Variants in ARSB observed in about 807,000 individuals in gnomAD.
The protein encoded by ARSB is N-acetylgalactosamine-4-sulfatase.
Under a neutral mutation model 50.9 loss-of-function variants are expected in ARSB, and 41 were observed. That is an observed-to-expected ratio of 0.81 (90% CI 0.63 to 1.04). The LOEUF is 1.04. Among genes scored for constraint, ARSB ranks in the 50% least tolerant of loss-of-function variants. The pLI, the probability that ARSB is intolerant of heterozygous loss-of-function variation, is 0.00. For synonymous variants in ARSB, 269 were observed against 284.8 expected, an observed-to-expected ratio of 0.94 and a Z score of 0.56; for missense variants, 672 against 693.3, an observed-to-expected ratio of 0.97 and a Z score of 0.35.
intron 5 of ARSB, among the ~76,000 whole-genome samples, chr5:78,873,629 G>A (rs1747340000): frequency 1.4e-5 from 2 of 147,158 alleles, no homozygotes; most frequent in South Asian, 2.2e-4. Context: ...CCAAGGAGCT[G>A]GGACTACAGG....
chr5:78,811,427 A>G (rs1404242377), intron 6 of ARSB, among the ~76,000 whole-genome samples: 1 of 152,222 alleles, frequency 6.6e-6, no homozygotes, highest in African/African-American at 2.4e-5. Context: ...CTAGTAGGAC[A>G]ACTGAAATTC....
chr5:78,841,168 C>CTACTAATAATAATAATAAGAATAA (rs368030435), intron 5 of ARSB, among the ~76,000 whole-genome samples: 1 of 132,002 alleles, frequency 7.6e-6, no homozygotes. Context: ...ACTACTACTA[C>CTACTAATAATAATAATAAGAATAA]TAATAATAAT....
At chr5:78,908,731 C>CTTTTTT (rs34571367) in intron 4 of ARSB, among the ~76,000 whole-genome samples, 1 of 140,412 alleles carries the variant, frequency 7.1e-6, no homozygotes, top group Non-Finnish European at 1.5e-5. Flanking sequence ...CTGGCCAAGA[C>CTTTTTT]TTTTTTTTTT....
rs79798033 is a variant in ARSB at position 78,975,431 on chromosome 5, G to A, written c.313-6239C>T. Among the ~76,000 whole-genome samples, 1,291 of 152,318 alleles carry A rather than the reference G, an allele frequency of 8.5e-3. 26 individuals carry two copies. The highest frequency in any genetic ancestry group is 0.03 in the African/African-American group (1,228 of 41,556). ...CCGCCTCAGGGGTGAGTGAAAAGCC[G>A]TGAAAATGTCTTGTCCATTTATCAG... On this transcript the variant is annotated intron_variant, in intron 1 of 7. Transcript: ENST00000264914.
chr5:78,825,780 G>T (rs145567209), intron 6 of ARSB, among the ~76,000 whole-genome samples: 5 of 152,176 alleles, frequency 3.3e-5, no homozygotes, highest in African/African-American at 1.2e-4. Flanking sequence ...TTTACAAAAT[G>T]ATGTAAAAGA....
intron 4 of ARSB, among the ~76,000 whole-genome samples, chr5:78,935,071 AAGC>A (rs1750521045): frequency 6.6e-6 from 1 of 152,188 alleles, no homozygotes. Flanking sequence ...GATGAATTAA[AAGC>A]AGAATTTCAA....
chr5:78,853,439 G>C (rs538434606), intron 5 of ARSB, among the ~76,000 whole-genome samples: 4 of 151,764 alleles, frequency 2.6e-5, no homozygotes, highest in Admixed American at 2.6e-4. Context: ...AGGAATACCC[G>C]GCCGTGTGAG....
intron 6 of ARSB, among the ~76,000 whole-genome samples, chr5:78,808,636 C>T (rs1743675807): frequency 6.6e-6 from 1 of 152,194 alleles, no homozygotes; most frequent in Non-Finnish European, 1.5e-5. Context: ...ACTTACACCT[C>T]CCCGCACACA....
chr5:78,799,876 T>C (rs1243607119), intron 6 of ARSB, among the ~76,000 whole-genome samples: 1 of 152,162 alleles, frequency 6.6e-6, no homozygotes, highest in East Asian at 1.9e-4. Context: ...AAGGGAAAAT[T>C]GGAAAGACAG....
At chr5:78,908,564 C>T (rs1254899299) in intron 4 of ARSB, among the ~76,000 whole-genome samples, 1 of 152,108 alleles carries the variant, frequency 6.6e-6, no homozygotes, top group Non-Finnish European at 1.5e-5. Context: ...TGCGGGCAGC[C>T]TGGCCGGAAC....
In ARSB at chr5:78,984,930, C is replaced by A. The variant is rs1315861475; in HGVS notation, c.312+7G>T. On this transcript the variant is annotated splice_region_variant and intron_variant, in intron 1 of 7. Transcript: ENST00000264914. ...GGGGCGGCGCGGGCGGCGGGGGCGC[C>A]GCGTACCTGGTAGCGGCCAGTGAGC... The A allele has an allele frequency of 7.3e-7, 1 of 1,363,226 alleles. No individual in the cohort carries two copies. The highest frequency in any genetic ancestry group is 9.5e-7 in the Non-Finnish European group (1 of 1,057,608). The allele number at this position is 1,363,226 out of a possible 1,614,324, so 84.4% of individuals were successfully genotyped here. A position where few individuals can be genotyped will look rare whatever the true frequency, so the allele number is the denominator to read the frequency against.
At chr5:78,842,304 A>G (rs1745258702) in intron 5 of ARSB, among the ~76,000 whole-genome samples, 1 of 152,188 alleles carries the variant, frequency 6.6e-6, no homozygotes, top group African/African-American at 2.4e-5. Context: ...TCTCAAAGCT[A>G]ACTCTGCAAG....
At chr5:78,964,299 G>C in intron 3 of ARSB, 117 bp downstream of exon 3, 1 of 1,030,748 alleles carries the variant, frequency 9.7e-7, no homozygotes, top group Non-Finnish European at 1.5e-6. Context: ...ATTTGAAAAG[G>C]ACTTCCCTAG....
chr5:78,834,603 A>ATG (rs1346286608), intron 6 of ARSB, among the ~76,000 whole-genome samples: 3,040 of 83,388 alleles, frequency 0.036, 115 homozygotes, highest in East Asian at 0.071. Flanking sequence ...TGGTATATAT[A>ATG]TGTGTATATA....
chr5:78,811,215 T>C (rs1237454416), intron 6 of ARSB, among the ~76,000 whole-genome samples: 1 of 152,200 alleles, frequency 6.6e-6, no homozygotes, highest in Non-Finnish European at 1.5e-5. Context: ...CCCCATTTCC[T>C]AGTACAGTGA....
intron 5 of ARSB, among the ~76,000 whole-genome samples, chr5:78,850,220 T>A (rs1581038799): frequency 6.6e-6 from 1 of 152,274 alleles, no homozygotes; most frequent in East Asian, 1.9e-4. Context: ...CTTATTATTT[T>A]GAGATACGTC....
chr5:78,789,304 A>G (rs1336820175), intron 6 of ARSB, among the ~76,000 whole-genome samples: 1 of 152,252 alleles, frequency 6.6e-6, no homozygotes, highest in Non-Finnish European at 1.5e-5. Context: ...TTTTAACTAC[A>G]TAATGTTTAA....
rs748137130 is a variant in ARSB at position 78,780,612 on chromosome 5, G to T, written c.1387C>A (p.Pro463Thr). 6 of 1,613,998 alleles carry T rather than the reference G, an allele frequency of 3.7e-6. No individual in the cohort carries two copies. The East Asian group carries it at 1.1e-4, about 30-fold the overall frequency. ...GTCTTGGTTGGTGGGTCTGATGAGG[G>T]TATCTCAGAAACATTGTATTGAGAC... ...PPSQYNVSEI[P>T]SSDPPTKTLW... The change falls in exon 8 of 8, where the codon CCC (proline) becomes ACC (threonine). Residue 463 changes from proline (P) to threonine (T), a missense_variant. By Grantham distance (38) the Pro-to-Thr change is conservative. Transcript: ENST00000264914.
intron 4 of ARSB, among the ~76,000 whole-genome samples, chr5:78,896,398 G>T (rs1048084641): frequency 8.5e-5 from 13 of 152,146 alleles, no homozygotes; most frequent in Admixed American, 5.2e-4. Flanking sequence ...TAACTGAGAT[G>T]ATCTGAATTG....
Sources: gnomAD v4.1 joint callset for allele counts (sites outside exome capture counted in the v4.1 genomes callset) on GRCh38, gnomAD v4.1.1 for gene constraint, MANE v1.5 for transcripts, NCBI Gene and HGNC (gene_info 2026-07-23, HGNC 2026-07-21) for gene names.